Variants in RUNX1T1 observed in about 807,000 individuals in gnomAD.
RUNX1T1 encodes RUNX1 partner transcriptional co-repressor 1, also known as protein CBFA2T1.
In RUNX1T1, 4 loss-of-function variants were observed where a neutral mutation model predicts 62.8. The ratio of observed to expected loss-of-function variants is 0.06; its 90% CI spans 0.03 to 0.15. The LOEUF (loss-of-function observed/expected upper bound fraction) is 0.15, where lower values mean the gene tolerates loss of function less well. Among genes scored for constraint, RUNX1T1 ranks in the 10% least tolerant of loss-of-function variants. RUNX1T1 has a pLI of 1.00. For synonymous variants in RUNX1T1, 291 were observed against 286.0 expected, an observed-to-expected ratio of 1.02 and a Z score of -0.18; for missense variants, 508 against 754.3, an observed-to-expected ratio of 0.67 and a Z score of 3.82.
chr8:91,974,992 C>T (rs1813611264), intron 9 of RUNX1T1, among the ~76,000 whole-genome samples: 1 of 152,164 alleles, frequency 6.6e-6, no homozygotes, highest in Non-Finnish European at 1.5e-5. Flanking sequence ...AAAATCTGTC[C>T]CCTGACTCTT....
chr8:92,028,298 C>A (rs992620910), intron 1 of RUNX1T1, among the ~76,000 whole-genome samples: 2 of 149,814 alleles, frequency 1.3e-5, no homozygotes, highest in African/African-American at 4.9e-5. Context: ...TGGTTCTGGA[C>A]AGAAAAATAA....
At chr8:91,970,036 G>GT (rs1196210730) in intron 10 of RUNX1T1, among the ~76,000 whole-genome samples, 3 of 54,520 alleles carry the variant, frequency 5.5e-5, no homozygotes, top group East Asian at 6.8e-3. Context: ...GTGTGTGTGT[G>GT]TGTGTGTTGT....
intron 1 of RUNX1T1, among the ~76,000 whole-genome samples, chr8:92,034,781 T>C (rs866008318): frequency 0.044 from 4,066 of 92,676 alleles, 339 homozygotes; most frequent in African/African-American, 0.13. Context: ...TATATACACA[T>C]ATATATATAC....
intron 8 of RUNX1T1, among the ~76,000 whole-genome samples, chr8:91,977,959 T>C (rs113823911): frequency 0.056 from 8,573 of 152,100 alleles, 808 homozygotes; most frequent in African/African-American, 0.2. Flanking sequence ...AGCTAACCTG[T>C]ATATTTTTAG....
intron 5 of RUNX1T1, among the ~76,000 whole-genome samples, chr8:92,001,411 C>T (rs527872141): frequency 5.9e-4 from 90 of 152,224 alleles, no homozygotes; most frequent in Middle Eastern, 3.4e-3. Flanking sequence ...TATAAGATCC[C>T]TCCCAGCTGA....
exon 11 of RUNX1T1, chr8:91,960,296 A>G: frequency 6.2e-7 from 1 of 1,610,422 alleles, no homozygotes; most frequent in Non-Finnish European, 8.5e-7. Flanking sequence ...TTGACCTCGG[A>G]GTGGCTGCTG....
rs923284480 is a variant in RUNX1T1 at position 92,095,216 on chromosome 8, G to C, written c.-86+4364C>G. 1.2e-5 allele frequency: 18 copies of C among 1,533,782 alleles called. No individual in the cohort carries two copies. In the African/African-American group the frequency reaches 2.2e-4, roughly 19 times the overall value. On this transcript the variant is annotated intron_variant, in intron 1 of 11. Transcript: ENST00000265814. ...ACATGTTACATCTTCACTTCTCCTG[G>C]TCTTATCGACTTCTGAATCATTTGG...
chr8:92,000,849 G>A (rs1246762702), intron 5 of RUNX1T1, among the ~76,000 whole-genome samples: 1 of 152,072 alleles, frequency 6.6e-6, no homozygotes, highest in Non-Finnish European at 1.5e-5. Flanking sequence ...AAATAAATGA[G>A]GGAAAGTAAG....
intron 5 of RUNX1T1, chr8:92,004,655 A>C (rs1820391931): frequency 6.5e-6 from 1 of 153,084 alleles, no homozygotes; most frequent in Non-Finnish European, 1.5e-5. Context: ...TCATATACAA[A>C]CCAAAACAAA....
At chr8:92,077,447 G>T (rs1265906635) in intron 1 of RUNX1T1, among the ~76,000 whole-genome samples, 1 of 151,900 alleles carries the variant, frequency 6.6e-6, no homozygotes, top group African/African-American at 2.4e-5. Context: ...AGTGGGGGAG[G>T]GTGCACACAG....
At chr8:91,990,183 A>C (rs1383733672) in intron 6 of RUNX1T1, among the ~76,000 whole-genome samples, 1 of 152,182 alleles carries the variant, frequency 6.6e-6, no homozygotes, top group East Asian at 1.9e-4. Flanking sequence ...AAAAAACAAA[A>C]AAACAAACAA....
chr8:92,041,393 A>G (rs1167146360), intron 1 of RUNX1T1, among the ~76,000 whole-genome samples: 1 of 152,226 alleles, frequency 6.6e-6, no homozygotes, highest in Non-Finnish European at 1.5e-5. Flanking sequence ...CACATAGTAG[A>G]TACTCAGTAA....
intron 9 of RUNX1T1, 45 bp downstream of exon 10, chr8:91,975,860 C>T (rs1452179800): frequency 3.0e-6 from 4 of 1,317,668 alleles, no homozygotes; most frequent in Non-Finnish European, 1.1e-6. Flanking sequence ...AACAACTGCA[C>T]ACAGCTGCCA....
At chr8:92,015,801 T>C (rs1243363049) in intron 2 of RUNX1T1, among the ~76,000 whole-genome samples, 3 of 152,210 alleles carry the variant, frequency 2.0e-5, no homozygotes, top group Non-Finnish European at 2.9e-5. Flanking sequence ...AATTTTGACA[T>C]AATAAAATGG....
At position 91,992,972 on chromosome 8, in the gene RUNX1T1, A is replaced by G. The variant is rs115613927; in HGVS notation, c.660-1083T>C. 4.9e-3 allele frequency among the ~76,000 whole-genome samples: 745 copies of G among 152,324 alleles called. 6 individuals carry two copies. The highest frequency in any genetic ancestry group is 0.017 in the African/African-American group (713 of 41,572). ...CCCTAATATATTCAATAAGATAGAA[A>G]CAAACCATATTCAAATTTGACTAAT... On this transcript the variant is annotated intron_variant, in intron 5 of 10. Coordinates refer to ENST00000396218, the Ensembl canonical transcript of RUNX1T1.
intron 8 of RUNX1T1, among the ~76,000 whole-genome samples, chr8:91,984,236 T>TC (rs1253629052): frequency 6.6e-6 from 1 of 152,178 alleles, no homozygotes; most frequent in African/African-American, 2.4e-5. Flanking sequence ...AATGAACCTC[T>TC]CTTCCTGGAG....
At chr8:91,977,283 T>TG (rs1814175309) in intron 8 of RUNX1T1, 1 of 193,556 alleles carries the variant, frequency 5.2e-6, no homozygotes, top group Non-Finnish European at 1.1e-5. Flanking sequence ...CTAAAATTAT[T>TG]CCAAATATTT....
intron 1 of RUNX1T1, among the ~76,000 whole-genome samples, chr8:92,053,564 T>A (rs1438797702): frequency 6.6e-6 from 1 of 152,240 alleles, no homozygotes; most frequent in Non-Finnish European, 1.5e-5. Flanking sequence ...TACATTGAAT[T>A]TTAACATGCA....
intron 1 of RUNX1T1, chr8:92,095,167 G>A (rs967653480): frequency 1.3e-6 from 2 of 1,535,176 alleles, no homozygotes; most frequent in African/African-American, 1.4e-5. Flanking sequence ...AATTCTCTCC[G>A]CCAGCTAAGA....
Sources: allele counts gnomAD v4.1 joint callset (sites outside exome capture counted in the v4.1 genomes callset), GRCh38; gene constraint gnomAD v4.1.1; transcripts MANE v1.5; gene names NCBI Gene and HGNC (gene_info 2026-07-23, HGNC 2026-07-21).